ADAM29: variants seen among roughly 807,000 people sequenced by gnomAD.
ADAM29 encodes disintegrin and metalloproteinase domain-containing protein 29.
For synonymous variants in ADAM29, 367 were observed against 342.3 expected (o/e 1.07, Z -0.80); for missense variants, 969 against 1,001.8 (o/e 0.97, Z 0.44).
chr4:174,954,879 G>C (rs1481538876), intron 4 of ADAM29, among the ~76,000 whole-genome samples: 1 of 151,950 alleles, frequency 6.6e-6, no homozygotes, highest in African/African-American at 2.4e-5. Context: ...TCTATTTCTA[G>C]TATATTCTGA....
At chr4:174,957,091 C>T (rs1293093737) in intron 4 of ADAM29, among the ~76,000 whole-genome samples, 1 of 151,884 alleles carries the variant, frequency 6.6e-6, no homozygotes, top group Non-Finnish European at 1.5e-5. Flanking sequence ...ACAATTGCTT[C>T]ATATATGACA....
chr4:174,975,870 C>T lies in ADAM29; in HGVS notation c.345C>T (p.Ser115=), dbSNP rs1196491996. 1.9e-6 allele frequency: 3 copies of T among 1,613,690 alleles called. No homozygotes were observed. Among genetic ancestry groups the T allele is most frequent in the South Asian group, 1.1e-5 (1 of 91,000 alleles). Residue 115 remains serine, a synonymous_variant, in exon 5 of 5, where the codon TCC becomes TCT. Coordinates refer to ENST00000359240, the MANE Select transcript of ADAM29 (RefSeq NM_014269.4). Reference sequence around the variant, plus strand: ...AAGGGGACCCAGAATCCCTGGTTTCCCTCAGTACCTGTTTTGGGGGTTTTC... The same window carrying T: ...AAGGGGACCCAGAATCCCTGGTTTCTCTCAGTACCTGTTTTGGGGGTTTTC... The part of the protein sequence containing the change: ...YVEGDPESLV[S]LSTCFGGFQG...
chr4:174,935,941 G>A lies in ADAM29; in HGVS notation c.-261-992G>A, dbSNP rs577863772. ...GTTTGCACTGGTAGAAACATAAAAA[G>A]TATGCCTCAGATATTAACTAAATAG... On this transcript the variant is annotated intron_variant, in intron 3 of 4. Transcript: ENST00000359240. 1.6e-3 allele frequency among the ~76,000 whole-genome samples: 247 copies of A among 152,126 alleles called. 3 individuals are homozygous for A. Among genetic ancestry groups the A allele is most frequent in the South Asian group, 0.016 (75 of 4,828 alleles).
intron 4 of ADAM29, among the ~76,000 whole-genome samples, chr4:174,966,715 C>A (rs1456863961): frequency 6.6e-6 from 1 of 152,162 alleles, no homozygotes; most frequent in Non-Finnish European, 1.5e-5. Context: ...TTTGTGGGGC[C>A]TGGTAGCTGG....
chr4:174,936,749 G>A (rs1744224449), intron 3 of ADAM29, among the ~76,000 whole-genome samples, 184 bp from the exon 4 acceptor site: 1 of 151,582 alleles, frequency 6.6e-6, no homozygotes, highest in Admixed American at 6.6e-5. Context: ...AAAAGACATG[G>A]GCATGATATC....
intron 4 of ADAM29, among the ~76,000 whole-genome samples, chr4:174,973,666 G>A (rs1475521021): frequency 6.6e-6 from 1 of 152,102 alleles, no homozygotes; most frequent in Non-Finnish European, 1.5e-5. Context: ...TTCCAAAAAT[G>A]TTTAATTTTG....
intron 4 of ADAM29, among the ~76,000 whole-genome samples, chr4:174,950,795 A>G (rs1270838237): frequency 6.6e-6 from 1 of 152,286 alleles, no homozygotes; most frequent in East Asian, 1.9e-4. Context: ...GAGTAATTAC[A>G]TCATGGGGGC....
chr4:174,940,142 T>C (rs1381687700), intron 4 of ADAM29, among the ~76,000 whole-genome samples: 1 of 152,152 alleles, frequency 6.6e-6, no homozygotes, highest in Non-Finnish European at 1.5e-5. Context: ...GTAAAGTGGT[T>C]AGTTTTCTTC....
At chr4:174,941,314 G>A (rs568641672) in intron 4 of ADAM29, among the ~76,000 whole-genome samples, 92 of 152,278 alleles carry the variant, frequency 6.0e-4, no homozygotes, top group African/African-American at 2.2e-3. Context: ...TTATTGTGGT[G>A]ATGTTGTCTA....
chr4:174,920,479 T>C (rs1743104798), intron 1 of ADAM29, among the ~76,000 whole-genome samples: 2 of 152,134 alleles, frequency 1.3e-5, no homozygotes, highest in African/African-American at 4.8e-5. Flanking sequence ...CCTGAATATC[T>C]AGTAAATTTA....
intron 4 of ADAM29, among the ~76,000 whole-genome samples, chr4:174,945,944 T>A (rs1346458488): frequency 7.2e-5 from 11 of 152,184 alleles, no homozygotes; most frequent in Non-Finnish European, 1.5e-4. Context: ...AGCTTTGTTC[T>A]TTTTGCTTAG....
At chr4:174,965,741 G>A (rs765888454) in intron 4 of ADAM29, among the ~76,000 whole-genome samples, 2 of 151,530 alleles carry the variant, frequency 1.3e-5, no homozygotes, top group Admixed American at 6.6e-5. Flanking sequence ...GAGGAGAGAC[G>A]TGGTGTCCTC....
intron 4 of ADAM29, among the ~76,000 whole-genome samples, chr4:174,951,715 A>G (rs4501197): frequency 0.44 from 67,320 of 151,950 alleles, 15,954 homozygotes; most frequent in African/African-American, 0.62. Flanking sequence ...TCTGAAACAG[A>G]CAGTATCATA....
At position 174,975,749 on chromosome 4, in the gene ADAM29, C is replaced by T. The variant is rs776891333; in HGVS notation, c.224C>T (p.Ser75Phe). Reference sequence around the variant, plus strand: ...ATAAAGGTCAAGAAGCTTTTGTTTTCCAAACACCTCCCTGTGTTCACCTAC... The same window carrying T: ...ATAAAGGTCAAGAAGCTTTTGTTTTTCAAACACCTCCCTGTGTTCACCTAC... ...IHIKVKKLLF[S>F]KHLPVFTYTD... The change falls in exon 5 of 5, where the codon TCC (serine) becomes TTC (phenylalanine). Residue 75 changes from serine (S) to phenylalanine (F), a missense_variant. Transcript: ENST00000359240. The T allele has an allele frequency of 6.2e-7, 1 of 1,613,198 alleles. No individual in the cohort carries two copies. The highest frequency in any genetic ancestry group is 8.5e-7 in the Non-Finnish European group (1 of 1,179,660).
At chr4:174,932,261 T>A (rs1325924905) in intron 3 of ADAM29, among the ~76,000 whole-genome samples, 1 of 151,842 alleles carries the variant, frequency 6.6e-6, no homozygotes, top group African/African-American at 2.4e-5. Flanking sequence ...CATTCCAGCC[T>A]GGGTGACAAG....
At chr4:174,956,437 G>T (rs1745500875) in intron 4 of ADAM29, among the ~76,000 whole-genome samples, 1 of 151,294 alleles carries the variant, frequency 6.6e-6, no homozygotes, top group Non-Finnish European at 1.5e-5. Flanking sequence ...TATGAAAAAT[G>T]TCCATATCTA....
At chr4:174,943,697 A>G (rs925028704) in intron 4 of ADAM29, among the ~76,000 whole-genome samples, 1 of 152,166 alleles carries the variant, frequency 6.6e-6, no homozygotes, top group Admixed American at 6.5e-5. Flanking sequence ...CACAAGAGTC[A>G]AACCATATTA....
Position 174,977,034 on chromosome 4 carries a change from A to G in ADAM29, c.1509A>G (p.Glu503=), listed in dbSNP as rs114135521. 1 of 1,614,186 alleles carries G rather than the reference A, an allele frequency of 6.2e-7. No individual in the cohort carries two copies. The highest frequency in any genetic ancestry group is 2.2e-5 in the East Asian group (1 of 44,874). Reference sequence around the variant, plus strand: ...AAAAGAGCTGTCATGACCGCAATGAACAGTGTAGGAGGATTTTTGGTGCAG... The same window carrying G: ...AAAAGAGCTGTCATGACCGCAATGAGCAGTGTAGGAGGATTTTTGGTGCAG... ...CYEKSCHDRN[E]QCRRIFGAGA... Residue 503 remains glutamate (E), a synonymous_variant, in exon 5 of 5, where the codon GAA becomes GAG. Transcript: ENST00000359240.
chr4:174,950,100 CAAATA>C (rs1383407924), intron 4 of ADAM29, among the ~76,000 whole-genome samples: 2 of 152,134 alleles, frequency 1.3e-5, no homozygotes, highest in African/African-American at 4.8e-5. Context: ...AATAAGCAAA[CAAATA>C]AAATAAGTAA....
Sources: allele counts gnomAD v4.1 joint callset (sites outside exome capture counted in the v4.1 genomes callset), GRCh38; gene constraint gnomAD v4.1.1; transcripts MANE v1.5; gene names NCBI Gene and HGNC (gene_info 2026-07-23, HGNC 2026-07-21).